The following UMAD1 variants were observed in gnomAD, a reference collection of about 807,000 sequenced individuals.
UMAD1 encodes the protein UBAP1-MVB12-associated (UMA)-domain containing protein 1.
In UMAD1, 8 loss-of-function variants were observed where a neutral mutation model predicts 6.1. That is an observed-to-expected ratio of 1.30 (90% CI 0.76 to 2.35). The LOEUF (loss-of-function observed/expected upper bound fraction) is 2.35. Ranked by LOEUF, UMAD1 falls within the 30% of genes most tolerant of loss-of-function variation. UMAD1 has a pLI of 0.00. For missense variants in UMAD1, 130 were observed against 78.4 expected (o/e 1.66, Z -2.49); for synonymous variants, 56 against 31.4 (o/e 1.78, Z -2.61).
chr7:7,804,775 A>C (rs1017254355), intron 3 of UMAD1, among the ~76,000 whole-genome samples: 1 of 152,122 alleles, frequency 6.6e-6, no homozygotes, highest in South Asian at 2.1e-4. Flanking sequence ...AGGTCAGGAG[A>C]TCAAGACCAT....
intron 2 of UMAD1, among the ~76,000 whole-genome samples, chr7:7,693,737 T>A (rs1780237230): frequency 6.6e-6 from 1 of 152,204 alleles, no homozygotes; most frequent in African/African-American, 2.4e-5. Flanking sequence ...TATATGAACG[T>A]GAAGTTTTAT....
chr7:7,877,155 G>A lies in UMAD1; in HGVS notation c.157-126G>A, dbSNP rs377764558. 9.8e-4 allele frequency: 594 copies of A among 607,512 alleles called. 2 individuals are homozygous for A. Among genetic ancestry groups the A allele is most frequent in the South Asian group, 6.5e-3 (330 of 50,434 alleles). The allele number at this position is 607,512 out of a possible 1,614,324, so 37.6% of individuals were successfully genotyped here. A position where few individuals can be genotyped will look rare whatever the true frequency, so the allele number is the denominator to read the frequency against. On this transcript the variant is annotated intron_variant, in intron 3 of 3. Coordinates refer to ENST00000682710, the MANE Select transcript of UMAD1 (RefSeq NM_001302348.2). ...ATTCTAAAGTAAAGTAAAGAGCTGC[G>A]TTCAAATCTGGGAATATTTATATAG... is the stretch of plus-strand genomic sequence containing the variant.
At chr7:7,667,603 A>G (rs1158757006) in intron 1 of UMAD1, among the ~76,000 whole-genome samples, 1 of 152,196 alleles carries the variant, frequency 6.6e-6, no homozygotes, top group East Asian at 1.9e-4. Flanking sequence ...TGTTTATATT[A>G]TAAAAGTATG....
intron 2 of UMAD1, among the ~76,000 whole-genome samples, chr7:7,798,398 CT>C (rs1425728547): frequency 6.6e-6 from 1 of 152,104 alleles, no homozygotes. Context: ...ATTTTTACAT[CT>C]TGTAAAATTG....
chr7:7,642,484 A>T (rs200408677), intron 1 of UMAD1, among the ~76,000 whole-genome samples: 1 of 149,162 alleles, frequency 6.7e-6, no homozygotes, highest in East Asian at 2.2e-4. Context: ...TTTTTTTTTT[A>T]AAGAGCACTC....
intron 3 of UMAD1, among the ~76,000 whole-genome samples, chr7:7,865,950 G>A (rs1784218035): frequency 6.6e-6 from 1 of 152,172 alleles, no homozygotes; most frequent in Admixed American, 6.5e-5. Flanking sequence ...AGATGTATTT[G>A]TAAAGCTGTT....
At chr7:7,862,289 A>G (rs557667470) in intron 3 of UMAD1, among the ~76,000 whole-genome samples, 6 of 152,186 alleles carry the variant, frequency 3.9e-5, no homozygotes, top group Non-Finnish European at 5.9e-5. Context: ...TTCTTATTGT[A>G]TATGTAGATG....
At chr7:7,797,887 A>G in intron 2 of UMAD1, among the ~76,000 whole-genome samples, 1 of 152,186 alleles carries the variant, frequency 6.6e-6, no homozygotes, top group South Asian at 2.1e-4. Flanking sequence ...TGGTTTCACC[A>G]TGTTGGCCAG....
chr7:7,670,223 T>A (rs1268235559), intron 1 of UMAD1, among the ~76,000 whole-genome samples: 1 of 152,192 alleles, frequency 6.6e-6, no homozygotes, highest in Non-Finnish European at 1.5e-5. Context: ...TAAAACTACT[T>A]TTGTGATATC....
At chr7:7,689,948 T>C (rs1162109908) in intron 2 of UMAD1, among the ~76,000 whole-genome samples, 1 of 152,222 alleles carries the variant, frequency 6.6e-6, no homozygotes, top group East Asian at 1.9e-4. Context: ...TTGCTACTTA[T>C]ATATAGGTGT....
At chr7:7,726,686 C>G (rs7812004) in intron 2 of UMAD1, among the ~76,000 whole-genome samples, 35,776 of 152,000 alleles carry the variant, frequency 0.24, 4,947 homozygotes, top group African/African-American at 0.4. Context: ...TGGCCTAGAG[C>G]TGTTAGTTCC....
chr7:7,850,768 A>G (rs191284650), intron 3 of UMAD1, among the ~76,000 whole-genome samples: 1 of 152,248 alleles, frequency 6.6e-6, no homozygotes, highest in African/African-American at 2.4e-5. Context: ...GAGGACAATT[A>G]TTACTAGAAT....
intron 2 of UMAD1, among the ~76,000 whole-genome samples, chr7:7,716,801 G>T (rs1273552757): frequency 6.6e-6 from 1 of 152,096 alleles, no homozygotes; most frequent in Non-Finnish European, 1.5e-5. Flanking sequence ...AAAAAATTAG[G>T]CGGGCATGGT....
chr7:7,668,510 A>G (rs1455970055), intron 1 of UMAD1, among the ~76,000 whole-genome samples: 1 of 152,192 alleles, frequency 6.6e-6, no homozygotes, highest in South Asian at 2.1e-4. Flanking sequence ...TAATTTATAA[A>G]TTAAACTTTA....
chr7:7,689,342 A>C (rs1207321902), intron 2 of UMAD1: 1 of 152,220 alleles, frequency 6.6e-6, no homozygotes, highest in Non-Finnish European at 1.5e-5. Context: ...TAGGAGAGCT[A>C]GCTTGAGACA....
chr7:7,650,956 G>C (rs555528491), intron 1 of UMAD1, among the ~76,000 whole-genome samples: 155 of 152,174 alleles, frequency 1.0e-3, no homozygotes, highest in African/African-American at 3.4e-3. Context: ...TTGTACTCAG[G>C]AACCAGCAGA....
intron 2 of UMAD1, among the ~76,000 whole-genome samples, chr7:7,734,615 A>G (rs749623040): frequency 3.4e-4 from 52 of 152,314 alleles, no homozygotes; most frequent in Middle Eastern, 3.4e-3. Flanking sequence ...CATCATAAAT[A>G]CTCAAGATCA....
chr7:7,859,290 G>C (rs1256744626), intron 3 of UMAD1, among the ~76,000 whole-genome samples: 1 of 152,148 alleles, frequency 6.6e-6, no homozygotes, highest in Non-Finnish European at 1.5e-5. Flanking sequence ...CCGTGCTTAT[G>C]AGAAGATTGG....
At chr7:7,753,800 A>C (rs1369118908) in intron 2 of UMAD1, among the ~76,000 whole-genome samples, 1 of 152,162 alleles carries the variant, frequency 6.6e-6, no homozygotes, top group Non-Finnish European at 1.5e-5. Context: ...CAGCGGTCAG[A>C]TTGCTGGATC....
Sources: allele counts gnomAD v4.1 joint callset (sites outside exome capture counted in the v4.1 genomes callset), GRCh38; gene constraint gnomAD v4.1.1; transcripts MANE v1.5; gene names NCBI Gene and HGNC (gene_info 2026-07-23, HGNC 2026-07-21).